The following FGF6 variants were observed in gnomAD, a reference collection of about 807,000 sequenced individuals.
FGF6 encodes the protein FGF-6.
Under a neutral mutation model 18.4 loss-of-function variants are expected in FGF6, and 14 were observed. That is an observed-to-expected ratio of 0.76 (90% CI 0.50 to 1.19). FGF6 has a LOEUF of 1.19. Ranked by LOEUF, FGF6 falls within the 50% of genes most tolerant of loss-of-function variation. The pLI is 0.00. For synonymous variants in FGF6, 125 were observed against 116.7 expected, an observed-to-expected ratio of 1.07 and a Z score of -0.46; for missense variants, 266 against 271.6, an observed-to-expected ratio of 0.98 and a Z score of 0.15.
rs1412898446 is a variant in FGF6, at chr12:4,445,290, A to G, written c.281T>C (p.Ile94Thr). ...GGGGAGCACCTGGAGGTGAAAGCCG[A>G]TGCCCACGTTGCAGTAGAGCCTCCG... ...RQRRLYCNVG[I>T]GFHLQVLPDG... Residue 94 changes from isoleucine to threonine, a missense_variant, in exon 1 of 3, where the codon ATC (isoleucine) becomes ACC (threonine). Physicochemically the swap from Ile to Thr is moderately conservative, Grantham distance 89 (BLOSUM62 -1). Coordinates refer to ENST00000228837, the MANE Select transcript of FGF6 (RefSeq NM_020996.3). The surrounding 1 kb of genome is among the most constrained non-coding windows in gnomAD (Gnocchi z 5.5). 1.2e-6 allele frequency: 2 copies of G among 1,613,968 alleles called. No individual in the cohort carries two copies. Among genetic ancestry groups the G allele is most frequent in the South Asian group, 2.2e-5 (2 of 91,096 alleles).
chr12:4,438,751 CAA>C (rs386375443), intron 2 of FGF6, among the ~76,000 whole-genome samples: 18 of 39,728 alleles, frequency 4.5e-4, no homozygotes, highest in African/African-American at 1.6e-3. Flanking sequence ...GACTCTATCT[CAA>C]AAAAAAAAAA....
chr12:4,434,417 G>A, intron 2 of FGF6, 26 bp from the exon 3 acceptor site: 1 of 1,613,474 alleles, frequency 6.2e-7, no homozygotes, highest in Non-Finnish European at 8.5e-7. Context: ...GCAAACAGCA[G>A]AGACTGGGTT....
chr12:4,439,590 A>G (rs1865665323), intron 2 of FGF6, among the ~76,000 whole-genome samples: 1 of 152,122 alleles, frequency 6.6e-6, no homozygotes, highest in South Asian at 2.1e-4. Context: ...ATGGATGCGT[A>G]GATTGTACTT....
chr12:4,440,110 A>G (rs1865673949), intron 2 of FGF6, among the ~76,000 whole-genome samples: 2 of 152,194 alleles, frequency 1.3e-5, no homozygotes, highest in Admixed American at 6.5e-5. Context: ...AAAAGCAGCT[A>G]CTGTATATGA....
At chr12:4,436,903 T>C (rs889990336) in intron 2 of FGF6, among the ~76,000 whole-genome samples, 4 of 152,244 alleles carry the variant, frequency 2.6e-5, no homozygotes, top group Non-Finnish European at 5.9e-5. Flanking sequence ...TAAGCTTTCC[T>C]GTTTTCCTCG....
chr12:4,434,849 C>A (rs754534842), intron 2 of FGF6, among the ~76,000 whole-genome samples: 1 of 152,190 alleles, frequency 6.6e-6, no homozygotes, highest in Admixed American at 6.5e-5. Context: ...TATTTCGTGA[C>A]TTTTCTACTT....
At chr12:4,444,007 C>T in intron 2 of FGF6, 126 bp downstream of exon 2, 1 of 635,756 alleles carries the variant, frequency 1.6e-6, no homozygotes, top group East Asian at 2.9e-5. Flanking sequence ...TTCACAGGCT[C>T]CTCTCACAGC....
intron 2 of FGF6, among the ~76,000 whole-genome samples, chr12:4,442,575 G>A (rs1865705148): frequency 6.6e-6 from 1 of 152,178 alleles, no homozygotes; most frequent in Non-Finnish European, 1.5e-5. Flanking sequence ...TTGCTTGCAT[G>A]GAGTCCCACA....
In FGF6 at chr12:4,444,307, G is replaced by T. The variant is rs575000177; in HGVS notation, c.347-71C>A. ...AGAGTGGGAACTTGAGCCGACAAGGGCATCTCAGTCCATCCCCCTTCTCCT... is the reference window on the plus strand; with the variant it reads ...AGAGTGGGAACTTGAGCCGACAAGGTCATCTCAGTCCATCCCCCTTCTCCT... On this transcript the variant is annotated intron_variant, in intron 1 of 2. Transcript: ENST00000228837. 11 of 992,258 alleles carry T rather than the reference G, an allele frequency of 1.1e-5. No homozygotes were observed. In the South Asian group the frequency reaches 1.5e-4, roughly 14 times the overall value. The allele number at this position is 992,258 out of a possible 1,614,324, so 61.5% of individuals were successfully genotyped here.
At chr12:4,444,112 T>C in intron 2 of FGF6, 21 bp downstream of exon 2, 1 of 1,533,302 alleles carries the variant, frequency 6.5e-7, no homozygotes, top group South Asian at 1.1e-5. Context: ...ACCTGGCACT[T>C]CCCCGGCCTG....
intron 2 of FGF6, among the ~76,000 whole-genome samples, chr12:4,443,746 G>C (rs1297032171): frequency 6.6e-6 from 1 of 152,216 alleles, no homozygotes; most frequent in African/African-American, 2.4e-5. Context: ...CAGGGCGCGT[G>C]TCATGGAGCA....
rs1865677285 is a variant in FGF6, at chr12:4,440,414, G to A, written c.450+3719C>T. Among the ~76,000 whole-genome samples the A allele has an allele frequency of 2.6e-5, 4 of 152,206 alleles. No homozygotes were observed. In the South Asian group the frequency reaches 8.3e-4, roughly 32 times the overall value. On this transcript the variant is annotated intron_variant, in intron 2 of 2. Transcript: ENST00000228837. ...ACATCTTCACCCTGTGACCGCTGGG[G>A]CCATTTGTCCCTGTTCCTCCTGGCA...
chr12:4,437,703 G>A (rs1234577165), intron 2 of FGF6, among the ~76,000 whole-genome samples: 1 of 152,160 alleles, frequency 6.6e-6, no homozygotes, highest in Non-Finnish European at 1.5e-5. Context: ...AAGTAAAAGT[G>A]TTATTTTAAA....
At chr12:4,444,279 A>G in intron 1 of FGF6, 43 bp from the exon 2 acceptor site, 1 of 1,380,210 alleles carries the variant, frequency 7.2e-7, no homozygotes, top group Non-Finnish European at 1.0e-6. Context: ...GCTTGTGCAA[A>G]TCAGAGTGGG....
chr12:4,437,872 G>C (rs1865643325), intron 2 of FGF6, among the ~76,000 whole-genome samples: 1 of 151,200 alleles, frequency 6.6e-6, no homozygotes, highest in Admixed American at 6.6e-5. Context: ...TCCAGAAAAA[G>C]TTTTTTTTAA....
At chr12:4,442,641 A>G (rs1030703948) in intron 2 of FGF6, among the ~76,000 whole-genome samples, 14 of 152,150 alleles carry the variant, frequency 9.2e-5, no homozygotes, top group African/African-American at 3.1e-4. Flanking sequence ...GGCATTATGC[A>G]GGCTGGGAAG....
At chr12:4,444,057 A>C in intron 2 of FGF6, 76 bp downstream of exon 2, 3 of 907,048 alleles carry the variant, frequency 3.3e-6, no homozygotes, top group Non-Finnish European at 5.3e-6. Flanking sequence ...TCTACTCAGG[A>C]CTTCATATTA....
At chr12:4,440,514 A>G (rs988354885) in intron 2 of FGF6, among the ~76,000 whole-genome samples, 4 of 152,228 alleles carry the variant, frequency 2.6e-5, no homozygotes, top group African/African-American at 9.6e-5. Context: ...CTTTGTCCTA[A>G]GACTTTCTTC....
chr12:4,436,042 G>A (rs947709135), intron 2 of FGF6, among the ~76,000 whole-genome samples: 3 of 152,162 alleles, frequency 2.0e-5, no homozygotes, highest in East Asian at 1.9e-4. Flanking sequence ...AAACCCGCTC[G>A]ATGGCTACTG....
Sources: gnomAD v4.1 joint callset for allele counts (sites outside exome capture counted in the v4.1 genomes callset) on GRCh38, gnomAD v4.1.1 for gene constraint, Gnocchi (gnomAD v3.1) non-coding constraint, MANE v1.5 for transcripts, NCBI Gene and HGNC (gene_info 2026-07-23, HGNC 2026-07-21) for gene names.